SRRM3: variants seen among roughly 807,000 people sequenced by gnomAD.
SRRM3 encodes serine/arginine repetitive matrix protein 3.
In SRRM3, 27 loss-of-function variants were observed where a neutral mutation model predicts 66.2. That is an observed-to-expected ratio of 0.41 (90% CI 0.30 to 0.56). The LOEUF (loss-of-function observed/expected upper bound fraction) is 0.56, where lower values mean the gene tolerates loss of function less well. SRRM3 is among the 20% of genes least tolerant of loss of function. The probability of loss-of-function intolerance (pLI) is 0.32; values close to 1 mark genes in which losing one functional copy is unlikely to be tolerated. For synonymous variants in SRRM3, 391 were observed against 414.9 expected, an observed-to-expected ratio of 0.94 and a Z score of 0.70; for missense variants, 918 against 991.9, an observed-to-expected ratio of 0.93 and a Z score of 1.00.
At chr7:76,232,685 A>G (rs1583888406) in intron 1 of SRRM3, among the ~76,000 whole-genome samples, 1 of 152,150 alleles carries the variant, frequency 6.6e-6, no homozygotes, top group East Asian at 1.9e-4. Context: ...AATGAAGAGT[A>G]TCCCAGGAAA....
chr7:76,204,116 C>T (rs1042623755), intron 1 of SRRM3, among the ~76,000 whole-genome samples: 2 of 152,160 alleles, frequency 1.3e-5, no homozygotes, highest in African/African-American at 2.4e-5. Flanking sequence ...GTGACTGCTC[C>T]TTCCTTTCTT....
intron 2 of SRRM3, among the ~76,000 whole-genome samples, 160 bp from the exon 3 acceptor site, chr7:76,248,028 T>G (rs1801483861): frequency 6.6e-6 from 1 of 152,166 alleles, no homozygotes; most frequent in South Asian, 2.1e-4. Context: ...GCTTCCTCAG[T>G]GCTGAAGACC....
intron 11 of SRRM3, among the ~76,000 whole-genome samples, chr7:76,270,570 G>A (rs942417112): frequency 1.3e-5 from 2 of 152,018 alleles, no homozygotes; most frequent in Non-Finnish European, 2.9e-5. Context: ...CCAGCACTTC[G>A]GGAGGCTGAG....
At chr7:76,282,620 C>G in intron 12 of SRRM3, 28 bp from the exon 13 acceptor site, 4 of 1,369,712 alleles carry the variant, frequency 2.9e-6, no homozygotes, top group Non-Finnish European at 3.8e-6. Flanking sequence ...GTCGCTGAGC[C>G]CTATCCCGCG....
At chr7:76,225,253 G>C (rs560598118) in intron 1 of SRRM3, among the ~76,000 whole-genome samples, 7 of 152,190 alleles carry the variant, frequency 4.6e-5, no homozygotes, top group African/African-American at 1.7e-4. Context: ...CTTTTTCCTG[G>C]CCCCAGTAGA....
intron 1 of SRRM3, among the ~76,000 whole-genome samples, chr7:76,204,346 T>C (rs374915528): frequency 3.3e-4 from 51 of 152,296 alleles, no homozygotes; most frequent in Admixed American, 1.0e-3. Context: ...ACACATACAC[T>C]GAGCCTCTGC....
intron 1 of SRRM3, among the ~76,000 whole-genome samples, chr7:76,208,343 T>A (rs559537150): frequency 9.2e-5 from 14 of 152,100 alleles, no homozygotes; most frequent in African/African-American, 3.1e-4. Flanking sequence ...TGCCTCCAGA[T>A]GATACTAGAA....
chr7:76,218,674 C>CTTTTTTTTTTT (rs11349335), intron 1 of SRRM3, among the ~76,000 whole-genome samples: 46 of 76,278 alleles, frequency 6.0e-4, no homozygotes, highest in African/African-American at 1.5e-3. Flanking sequence ...GCTTTCTTTT[C>CTTTTTTTTTTT]TTTTTTTTTT....
rs1264947057 is a variant in SRRM3 at position 76,286,466 on chromosome 7, C to G, written c.*623C>G. ...GAGGGCTGGTGGCTGGCCCCACAGC[C>G]TCCCCCAAGCTCCTCCACTGACCCA... On this transcript the variant is annotated 3_prime_UTR_variant, in exon 15 of 15. Transcript: ENST00000611745. 6.6e-6 allele frequency: 1 copy of G among 152,534 alleles called. No individual in the cohort carries two copies. The highest frequency in any genetic ancestry group is 1.5e-5 in the Non-Finnish European group (1 of 68,336). The allele number at this position is 152,534 out of a possible 1,614,324, so 9.4% of individuals were successfully genotyped here.
rs782202625 is a variant in SRRM3 at position 76,285,636 on chromosome 7, A to G, written c.1755A>G (p.Pro585=). 1.5e-5 allele frequency: 23 copies of G among 1,550,624 alleles called. No individual in the cohort carries two copies. Among genetic ancestry groups the G allele is most frequent in the East Asian group, 2.4e-5 (1 of 40,916 alleles). ...RITSARKRPI[P]YYRPSPSSSS... Reference sequence around the variant, plus strand: ...GCAGCGCCCGCAAGCGTCCTATTCCATACTACCGGCCCAGCCCCTCTTCCT... The same window carrying G: ...GCAGCGCCCGCAAGCGTCCTATTCCGTACTACCGGCCCAGCCCCTCTTCCT... The change falls in exon 15 of 15, where the codon CCA becomes CCG. Residue 585 remains proline, a synonymous_variant. Coordinates refer to ENST00000611745, the MANE Select transcript of SRRM3 (RefSeq NM_001110199.3). The surrounding 1 kb of genome is among the most constrained non-coding windows in gnomAD (Gnocchi z 4.1).
intron 10 of SRRM3, among the ~76,000 whole-genome samples, chr7:76,266,530 T>A (rs1283919142): frequency 4.5e-5 from 5 of 112,264 alleles, no homozygotes; most frequent in Non-Finnish European, 8.3e-5. Context: ...TATTATATAT[T>A]TAATATATAA....
At chr7:76,221,224 AT>A (rs1216107734) in intron 1 of SRRM3, among the ~76,000 whole-genome samples, 1 of 151,028 alleles carries the variant, frequency 6.6e-6, no homozygotes, top group African/African-American at 2.4e-5. Context: ...CACCCAGTTA[AT>A]TTTTGTATTT....
chr7:76,205,489 C>T (rs1179619738), intron 1 of SRRM3, among the ~76,000 whole-genome samples: 1 of 152,218 alleles, frequency 6.6e-6, no homozygotes, highest in African/African-American at 2.4e-5. Context: ...GGATTACAGG[C>T]GTAAGCCACC....
At chr7:76,270,029 C>T (rs1448112800) in intron 11 of SRRM3, 1 of 151,972 alleles carries the variant, frequency 6.6e-6, no homozygotes, top group African/African-American at 2.4e-5. Flanking sequence ...AAGTCAGCAG[C>T]GGCAGCAAAT....
At chr7:76,207,554 A>G (rs1554601283) in intron 1 of SRRM3, among the ~76,000 whole-genome samples, 3 of 152,062 alleles carry the variant, frequency 2.0e-5, no homozygotes, top group African/African-American at 7.2e-5. Flanking sequence ...TATCATGAGC[A>G]TTCTCTGATG....
intron 3 of SRRM3, among the ~76,000 whole-genome samples, chr7:76,259,406 C>G (rs556163280): frequency 4.6e-5 from 7 of 151,810 alleles, no homozygotes; most frequent in Non-Finnish European, 1.0e-4. Context: ...TAGTGAGACC[C>G]CGTCTCTGCA....
intron 10 of SRRM3, among the ~76,000 whole-genome samples, chr7:76,265,858 A>ATTTTTTTTT (rs1156687535): frequency 2.4e-4 from 2 of 8,372 alleles, no homozygotes; most frequent in Non-Finnish European, 2.9e-4. Flanking sequence ...ATATATATAT[A>ATTTTTTTTT]TTTTTTTTTT....
rs1247736164 is a variant in SRRM3 at position 76,266,099 on chromosome 7, A to T, written c.830+631A>T. On this transcript the variant is annotated intron_variant, in intron 10 of 14. Coordinates refer to ENST00000611745, the MANE Select transcript of SRRM3 (RefSeq NM_001110199.3). ...TAGCCGGGATGGTCTCGATCTCCTGACCTCGTGATCCGCCCGCCTCGGCCT... is the reference window on the plus strand; with the variant it reads ...TAGCCGGGATGGTCTCGATCTCCTGTCCTCGTGATCCGCCCGCCTCGGCCT... Among the ~76,000 whole-genome samples, 2 of 79,362 alleles carry T rather than the reference A, an allele frequency of 2.5e-5. 1 individual carries two copies. The highest frequency in any genetic ancestry group is 3.0e-4 in the Admixed American group (2 of 6,572). The allele number at this position is 79,362 out of a possible 152,430, so 52.1% of individuals were successfully genotyped here. A position where few individuals can be genotyped will look rare whatever the true frequency, so the allele number is the denominator to read the frequency against.
intron 11 of SRRM3, among the ~76,000 whole-genome samples, chr7:76,271,821 C>A (rs572957855): frequency 2.0e-5 from 3 of 152,172 alleles, no homozygotes; most frequent in African/African-American, 7.2e-5. Context: ...CCATCAGACC[C>A]ATCCAGAAAT....
Sources: gnomAD v4.1 joint callset for allele counts (sites outside exome capture counted in the v4.1 genomes callset) on GRCh38, gnomAD v4.1.1 for gene constraint, Gnocchi (gnomAD v3.1) non-coding constraint, MANE v1.5 for transcripts, NCBI Gene and HGNC (gene_info 2026-07-23, HGNC 2026-07-21) for gene names.